L3MBTL4: variants seen among roughly 807,000 people sequenced by gnomAD.
L3MBTL4 encodes lethal(3)malignant brain tumor-like protein 4.
A neutral mutation model predicts 84.5 loss-of-function variants in L3MBTL4; 70 were observed. The ratio of observed to expected loss-of-function variants is 0.83; its 90% CI spans 0.68 to 1.01. L3MBTL4 has a LOEUF of 1.01. Among genes scored for constraint, L3MBTL4 ranks in the 50% least tolerant of loss-of-function variants. The pLI is 0.00. For synonymous variants in L3MBTL4, 274 were observed against 259.8 expected (o/e 1.05, Z -0.52); for missense variants, 715 against 754.8 (o/e 0.95, Z 0.62).
At chr18:6,141,798 C>A (rs755635217) in intron 13 of L3MBTL4, among the ~76,000 whole-genome samples, 1 of 152,238 alleles carries the variant, frequency 6.6e-6, no homozygotes, top group Non-Finnish European at 1.5e-5. Context: ...GCAACCAGAG[C>A]AATCTTTTCA....
chr18:6,357,426 C>G (rs1266869430), intron 1 of L3MBTL4, among the ~76,000 whole-genome samples: 1 of 152,146 alleles, frequency 6.6e-6, no homozygotes, highest in Admixed American at 6.5e-5. Context: ...CATTCTGCAG[C>G]TCGTTTAATT....
chr18:5,990,289 CTTGT>C (rs1161166298), intron 16 of L3MBTL4, among the ~76,000 whole-genome samples: 2 of 152,200 alleles, frequency 1.3e-5, no homozygotes, highest in African/African-American at 2.4e-5. Context: ...TAACTCTGCT[CTTGT>C]TTAAGTGCCT....
At chr18:6,163,877 C>T (rs947612283) in intron 13 of L3MBTL4, among the ~76,000 whole-genome samples, 10 of 152,108 alleles carry the variant, frequency 6.6e-5, no homozygotes, top group African/African-American at 1.9e-4. Flanking sequence ...TGAAGCAGGG[C>T]GAGGCATCAA....
intron 1 of L3MBTL4, chr18:6,397,928 C>T (rs1233016367): frequency 6.6e-6 from 1 of 152,072 alleles, no homozygotes; most frequent in Non-Finnish European, 1.5e-5. Context: ...CCCTCCTCTT[C>T]ACTGTGTCCA....
intron 16 of L3MBTL4, among the ~76,000 whole-genome samples, chr18:6,058,573 C>G (rs934122392): frequency 2.0e-5 from 3 of 152,090 alleles, no homozygotes; most frequent in African/African-American, 7.2e-5. Context: ...GGGGCTTTCT[C>G]TCTTTGATCC....
At chr18:6,306,813 TACAG>T (rs1000688224) in intron 3 of L3MBTL4, among the ~76,000 whole-genome samples, 24 of 152,330 alleles carry the variant, frequency 1.6e-4, no homozygotes, top group African/African-American at 5.3e-4. Context: ...ACTGTTGTTC[TACAG>T]ACAAAGAAGC....
chr18:6,104,279 A>C (rs115733084), intron 14 of L3MBTL4, among the ~76,000 whole-genome samples: 1,746 of 152,180 alleles, frequency 0.011, 28 homozygotes, highest in African/African-American at 0.036. Flanking sequence ...GTACACCTGC[A>C]TTCATTGCAG....
At chr18:6,202,924 A>G (rs2045709839) in intron 12 of L3MBTL4, among the ~76,000 whole-genome samples, 1 of 152,202 alleles carries the variant, frequency 6.6e-6, no homozygotes, top group Admixed American at 6.5e-5. Flanking sequence ...GGAAAATATA[A>G]AGTGCTGAAA....
At chr18:6,334,468 G>C (rs554361612) in intron 1 of L3MBTL4, among the ~76,000 whole-genome samples, 1 of 152,168 alleles carries the variant, frequency 6.6e-6, no homozygotes, top group Admixed American at 6.5e-5. Flanking sequence ...AAAAAGTCTA[G>C]TTTATTAAAC....
intron 1 of L3MBTL4, chr18:6,374,561 C>A (rs967550451): frequency 6.5e-6 from 1 of 154,706 alleles, no homozygotes; most frequent in Non-Finnish European, 1.5e-5. Flanking sequence ...AATAAAGAAG[C>A]AAATGACCTC....
At chr18:6,265,316 T>C (rs2048582749) in intron 4 of L3MBTL4, among the ~76,000 whole-genome samples, 1 of 152,232 alleles carries the variant, frequency 6.6e-6, no homozygotes, top group South Asian at 2.1e-4. Context: ...ATTATCATTT[T>C]TGAATAACAA....
intron 16 of L3MBTL4, among the ~76,000 whole-genome samples, chr18:6,018,525 G>C (rs1308362139): frequency 6.6e-6 from 1 of 152,188 alleles, no homozygotes; most frequent in Non-Finnish European, 1.5e-5. Context: ...ATGTACTAAA[G>C]ACTTAGTGGC....
intron 16 of L3MBTL4, among the ~76,000 whole-genome samples, chr18:5,970,687 A>C (rs1456287393): frequency 2.0e-5 from 3 of 152,258 alleles, no homozygotes; most frequent in African/African-American, 7.2e-5. Flanking sequence ...TGCAAAGAGA[A>C]GGTTAAATAA....
At chr18:6,363,069 T>A (rs1430150162) in intron 1 of L3MBTL4, among the ~76,000 whole-genome samples, 1 of 152,186 alleles carries the variant, frequency 6.6e-6, no homozygotes, top group Non-Finnish European at 1.5e-5. Context: ...GATAATAGTC[T>A]AGGACATATA....
At chr18:6,036,179 A>G (rs1348217890) in intron 16 of L3MBTL4, among the ~76,000 whole-genome samples, 1 of 152,212 alleles carries the variant, frequency 6.6e-6, no homozygotes, top group Non-Finnish European at 1.5e-5. Flanking sequence ...AGTTTCTCTT[A>G]GAGTTCATTG....
chr18:6,077,934 C>G (rs1333486321), intron 16 of L3MBTL4, among the ~76,000 whole-genome samples: 1 of 151,860 alleles, frequency 6.6e-6, no homozygotes, highest in Non-Finnish European at 1.5e-5. Context: ...GAGGCTGAGG[C>G]AGAAGAATTG....
At chr18:6,235,326 A>T (rs930645193) in intron 10 of L3MBTL4, among the ~76,000 whole-genome samples, 1 of 152,222 alleles carries the variant, frequency 6.6e-6, no homozygotes, top group Non-Finnish European at 1.5e-5. Context: ...CATAATAAAT[A>T]CAAATTTTAA....
intron 14 of L3MBTL4, among the ~76,000 whole-genome samples, chr18:6,113,045 A>G (rs11876163): frequency 0.31 from 46,779 of 152,036 alleles, 8,428 homozygotes; most frequent in East Asian, 0.58. Flanking sequence ...TCCCCGGCAC[A>G]TCGCAGAACA....
intron 12 of L3MBTL4, among the ~76,000 whole-genome samples, chr18:6,188,103 C>G (rs1283321828): frequency 6.6e-6 from 1 of 151,902 alleles, no homozygotes; most frequent in Non-Finnish European, 1.5e-5. Context: ...CATTAATTCC[C>G]CGCCTCCCTC....
Sources: gnomAD v4.1 joint callset for allele counts (sites outside exome capture counted in the v4.1 genomes callset) on GRCh38, gnomAD v4.1.1 for gene constraint, MANE v1.5 for transcripts, NCBI Gene and HGNC (gene_info 2026-07-23, HGNC 2026-07-21) for gene names.